Variants in FRMPD4 observed in about 807,000 individuals in gnomAD.
FRMPD4 encodes the protein FERM and PDZ domain containing 4.
A neutral mutation model predicts 94.1 loss-of-function variants in FRMPD4; 22 were observed. That is an observed-to-expected ratio of 0.23 (90% CI 0.17 to 0.33). The LOEUF (loss-of-function observed/expected upper bound fraction) is 0.33, where lower values mean the gene tolerates loss of function less well. Ranked by LOEUF, FRMPD4 falls within the 10% of genes least tolerant of loss-of-function variation. The pLI is 1.00. For missense variants in FRMPD4, 1,111 were observed against 1,339.9 expected, an observed-to-expected ratio of 0.83 and a Z score of 2.67; for synonymous variants, 631 against 548.6, an observed-to-expected ratio of 1.15 and a Z score of -2.10.
At chrX:12,064,944 A>G (rs2054909808) in intron 3 of FRMPD4, among the ~76,000 whole-genome samples, 2 of 112,245 alleles carry the variant, frequency 1.8e-5, no homozygotes, top group South Asian at 7.5e-4. Context: ...CCTTCAGGTT[A>G]GTAATAAGTA....
chrX:12,329,624 T>C (rs1285882101), intron 1 of FRMPD4, among the ~76,000 whole-genome samples: 1 of 110,804 alleles, frequency 9.0e-6, no homozygotes, highest in East Asian at 2.8e-4. Flanking sequence ...AGAGAGACTT[T>C]CCAACAACCC....
intron 1 of FRMPD4, among the ~76,000 whole-genome samples, chrX:11,836,801 G>C (rs1480031953): frequency 9.0e-6 from 1 of 111,578 alleles, no homozygotes; most frequent in Non-Finnish European, 1.9e-5. Context: ...TTTCTTCTTA[G>C]TGTTCATTAT....
Position 12,125,941 on chromosome X carries a change from T to A in FRMPD4, c.95+247923T>A, listed in dbSNP as rs138558656. Among the ~76,000 whole-genome samples, 8 of 111,859 alleles carry A rather than the reference T, an allele frequency of 7.2e-5. No homozygotes were observed. The East Asian group carries it at 2.3e-3, about 31-fold the overall frequency. ...CTCCTGTTCCCTCAGTTTTCTCTCA[T>A]CTTACCTTCTGTTTTATTCTAGCCC... is the stretch of plus-strand genomic sequence containing the variant. On this transcript the variant is annotated intron_variant, in intron 3 of 18. Transcript: ENST00000640291.
intron 3 of FRMPD4, among the ~76,000 whole-genome samples, chrX:11,953,530 A>G (rs2054237372): frequency 9.0e-6 from 1 of 111,521 alleles, no homozygotes; most frequent in Admixed American, 9.6e-5. Context: ...AACATTATTC[A>G]AAAGGACTAT....
intron 1 of FRMPD4, among the ~76,000 whole-genome samples, chrX:12,209,947 A>T (rs2056736196): frequency 9.0e-6 from 1 of 111,557 alleles, no homozygotes; most frequent in Admixed American, 9.5e-5. Flanking sequence ...TCGGTATCAG[A>T]TGTTGCTGTT....
chrX:12,384,964 A>AATTG (rs1242782467), intron 1 of FRMPD4, among the ~76,000 whole-genome samples: 1 of 112,072 alleles, frequency 8.9e-6, no homozygotes, highest in Admixed American at 9.4e-5. Flanking sequence ...CAACCTATCT[A>AATTG]ATTGATAGAA....
At chrX:12,359,472 CTTTTTTTT>C (rs34380413) in intron 1 of FRMPD4, among the ~76,000 whole-genome samples, 1 of 98,035 alleles carries the variant, frequency 1.0e-5, no homozygotes, top group Non-Finnish European at 2.0e-5. Context: ...TTTCTTTTTT[CTTTTTTTT>C]TTTTTGAAAT....
At chrX:12,116,809 T>C (rs771871438) in intron 3 of FRMPD4, among the ~76,000 whole-genome samples, 10 of 112,300 alleles carry the variant, frequency 8.9e-5, no homozygotes, top group African/African-American at 3.2e-4. Context: ...AGATAACATA[T>C]ATATTTGTTG....
chrX:12,102,996 T>C (rs778587321), intron 3 of FRMPD4, among the ~76,000 whole-genome samples: 2 of 111,569 alleles, frequency 1.8e-5, no homozygotes, highest in African/African-American at 3.3e-5. Flanking sequence ...TTTTGTCATA[T>C]CAGGTATTGA....
chrX:12,406,076 A>C (rs1371433327), intron 1 of FRMPD4, among the ~76,000 whole-genome samples: 5 of 111,082 alleles, frequency 4.5e-5, no homozygotes, highest in Admixed American at 9.6e-5. Flanking sequence ...CAGTGTCTAC[A>C]GACATTTTTA....
At chrX:12,177,588 T>TAATGA (rs2056310378) in intron 1 of FRMPD4, among the ~76,000 whole-genome samples, 1 of 112,457 alleles carries the variant, frequency 8.9e-6, no homozygotes, top group Admixed American at 9.4e-5. Context: ...GTTGTTGGTG[T>TAATGA]AATGAACGTA....
At chrX:12,602,333 C>T (rs781561650) in intron 2 of FRMPD4, among the ~76,000 whole-genome samples, 14 of 111,352 alleles carry the variant, frequency 1.3e-4, no homozygotes, top group Middle Eastern at 4.6e-3. Context: ...GCAGGGATTA[C>T]GAATTTTGCA....
intron 3 of FRMPD4, among the ~76,000 whole-genome samples, chrX:12,023,025 C>T (rs1050664805): frequency 1.8e-5 from 2 of 111,395 alleles, no homozygotes; most frequent in South Asian, 3.8e-4. Flanking sequence ...ATTCCTAACT[C>T]TCAAGGTTAT....
chrX:12,117,069 G>A (rs908946045), intron 3 of FRMPD4, among the ~76,000 whole-genome samples: 20 of 111,225 alleles, frequency 1.8e-4, no homozygotes, highest in South Asian at 3.8e-4. Flanking sequence ...TTAATGCTAC[G>A]TTACCATCGT....
chrX:12,637,681 TAAAA>T (rs1333275700), intron 4 of FRMPD4, among the ~76,000 whole-genome samples: 1 of 106,268 alleles, frequency 9.4e-6, no homozygotes, highest in African/African-American at 3.4e-5. Flanking sequence ...CTCTGTCTCT[TAAAA>T]AAAAAAATCA....
intron 1 of FRMPD4, among the ~76,000 whole-genome samples, chrX:12,231,048 A>ATATATATATATATATAT (rs1387528584): frequency 8.5e-4 from 27 of 31,815 alleles, no homozygotes; most frequent in African/African-American, 2.7e-3. Context: ...ATATATATAT[A>ATATATATATATATATAT]AAATATATAT....
intron 1 of FRMPD4, among the ~76,000 whole-genome samples, chrX:12,260,885 G>C (rs764899207): frequency 9.0e-6 from 1 of 111,639 alleles, no homozygotes; most frequent in Non-Finnish European, 1.9e-5. Context: ...TTCTGCATAT[G>C]GCTAACTTCT....
intron 3 of FRMPD4, among the ~76,000 whole-genome samples, chrX:11,884,573 T>C (rs1204943216): frequency 9.0e-6 from 1 of 111,284 alleles, no homozygotes; most frequent in Non-Finnish European, 1.9e-5. Flanking sequence ...AGTTAGGTAT[T>C]TATATATACA....
Position 12,388,263 on chromosome X carries a change from A to AG in FRMPD4, c.42-110416dup, listed in dbSNP as rs2056424589. Among the ~76,000 whole-genome samples, 6 of 112,341 alleles carry AG rather than the reference A, an allele frequency of 5.3e-5. No homozygotes were observed. The South Asian group carries it at 2.2e-3, about 41-fold the overall frequency. The stretch of plus-strand genomic sequence containing the variant: ...TGTATATACTAGATTTTAATTCAAA[A>AG]GTTTTAAAAAATCAATTCAAATTTG... On this transcript the variant is annotated intron_variant, in intron 1 of 16. Transcript: ENST00000675598.
Sources: gnomAD v4.1 joint callset for allele counts (sites outside exome capture counted in the v4.1 genomes callset) on GRCh38, gnomAD v4.1.1 for gene constraint, MANE v1.5 for transcripts, NCBI Gene and HGNC (gene_info 2026-07-23, HGNC 2026-07-21) for gene names.